Variants in TMED3 observed in about 807,000 individuals in gnomAD.
TMED3 encodes transmembrane emp24 domain-containing protein 3.
TMED3 carries 9 observed loss-of-function variants against 15.0 expected under a neutral mutation model. The observed-to-expected ratio is 0.60, with a 90% CI of 0.36 to 1.04. The LOEUF (loss-of-function observed/expected upper bound fraction) is 1.04, where lower values mean the gene tolerates loss of function less well. TMED3 is among the 50% of genes least tolerant of loss of function. TMED3 has a pLI of 0.01. For missense variants in TMED3, 267 were observed against 278.9 expected, an observed-to-expected ratio of 0.96 and a Z score of 0.30; for synonymous variants, 117 against 121.4, an observed-to-expected ratio of 0.96 and a Z score of 0.24.
rs1487201580 is a variant in TMED3 at position 79,311,123 on chromosome 15, C to T, written c.-127C>T. 45 of 1,087,494 alleles carry T rather than the reference C, an allele frequency of 4.1e-5. No homozygotes were observed. Among genetic ancestry groups the T allele is most frequent in the Non-Finnish European group, 5.6e-5 (45 of 801,822 alleles). 67.4% of individuals were successfully genotyped at this position (1,087,494 alleles called of 1,614,324 possible). On this transcript the variant is annotated 5_prime_UTR_variant, in exon 1 of 3. Coordinates refer to ENST00000299705, the MANE Select transcript of TMED3 (RefSeq NM_007364.4). ...ACTGAGCCGCCGGCCCTCCCGGAAG[C>T]GCAGAGCTCCGCTGGTGCCACGTCT...
chr15:79,342,971 T>C (rs2058856780), intron 2 of TMED3, among the ~76,000 whole-genome samples: 1 of 152,112 alleles, frequency 6.6e-6, no homozygotes, highest in South Asian at 2.1e-4. Flanking sequence ...TAGGTATTAC[T>C]GAGATTGGGT....
intron 2 of TMED3, among the ~76,000 whole-genome samples, chr15:79,368,198 T>C (rs1429265182): frequency 6.6e-6 from 1 of 152,238 alleles, no homozygotes; most frequent in Non-Finnish European, 1.5e-5. Flanking sequence ...CCTTATTTCT[T>C]TCTGAGGGCC....
intron 2 of TMED3, among the ~76,000 whole-genome samples, chr15:79,353,989 C>T (rs2058908599): frequency 6.6e-6 from 1 of 152,132 alleles, no homozygotes; most frequent in African/African-American, 2.4e-5. Flanking sequence ...ATCACAAAGT[C>T]AGGACTGAAA....
chr15:79,396,939 A>G (rs1893770146), intron 2 of TMED3, among the ~76,000 whole-genome samples: 1 of 152,240 alleles, frequency 6.6e-6, no homozygotes, highest in Non-Finnish European at 1.5e-5. Context: ...CTTTCTATGC[A>G]GCCACTAGAA....
chr15:79,391,632 T>A (rs956509736), intron 2 of TMED3, among the ~76,000 whole-genome samples: 3 of 152,214 alleles, frequency 2.0e-5, no homozygotes, highest in African/African-American at 7.2e-5. Flanking sequence ...TTTGTTGACT[T>A]TCTGTCTCGA....
chr15:79,395,278 C>T (rs748957058), intron 2 of TMED3, among the ~76,000 whole-genome samples: 4 of 152,206 alleles, frequency 2.6e-5, no homozygotes, highest in Non-Finnish European at 5.9e-5. Context: ...CTCCTGGATT[C>T]AAGCAATTCT....
intron 2 of TMED3, among the ~76,000 whole-genome samples, chr15:79,385,050 C>T (rs956348982): frequency 2.0e-5 from 3 of 152,178 alleles, no homozygotes; most frequent in Non-Finnish European, 4.4e-5. Flanking sequence ...GGTGATGGCC[C>T]ACCTGGGAGT....
chr15:79,374,173 T>C (rs1294972676), intron 2 of TMED3, among the ~76,000 whole-genome samples: 1 of 152,166 alleles, frequency 6.6e-6, no homozygotes, highest in Non-Finnish European at 1.5e-5. Context: ...ATAAATATAT[T>C]TTAGGGTAAA....
downstream of TMED3, among the ~76,000 whole-genome samples, chr15:79,327,039 A>G (rs761795893): frequency 7.2e-5 from 11 of 152,238 alleles, no homozygotes; most frequent in Non-Finnish European, 1.3e-4. Flanking sequence ...TTGTTTAGCA[A>G]CCAGCTCTTG....
intron 2 of TMED3, among the ~76,000 whole-genome samples, chr15:79,337,016 C>A (rs1288290818): frequency 3.3e-5 from 5 of 152,220 alleles, no homozygotes; most frequent in Non-Finnish European, 7.3e-5. Flanking sequence ...GGCCTCACTA[C>A]TACCAAGCCT....
At chr15:79,344,437 C>T (rs1450258938) in intron 2 of TMED3, among the ~76,000 whole-genome samples, 2 of 152,174 alleles carry the variant, frequency 1.3e-5, no homozygotes, top group African/African-American at 2.4e-5. Flanking sequence ...CATTCCATGT[C>T]TCTCTCCAGG....
rs150132710 is a variant in TMED3 at position 79,321,645 on chromosome 15, G to A, written c.418-333G>A. On this transcript the variant is annotated intron_variant, in intron 2 of 2. Coordinates refer to ENST00000299705, the MANE Select transcript of TMED3 (RefSeq NM_007364.4). ...TCATCTGTGTGTGGGATAAGCCCTC[G>A]TTAACAGTGAGGGTAATGATCCGTG... 1.1e-4 allele frequency among the ~76,000 whole-genome samples: 17 copies of A among 152,258 alleles called. No individual in the cohort carries two copies. In the East Asian group the frequency reaches 2.9e-3, roughly 26 times the overall value.
chr15:79,342,243 G>A (rs1006193211), intron 2 of TMED3, among the ~76,000 whole-genome samples: 7 of 151,732 alleles, frequency 4.6e-5, no homozygotes, highest in Non-Finnish European at 5.9e-5. Context: ...GAAAATGTTG[G>A]ATCACAAAGC....
chr15:79,404,954 A>G (rs1893883849), intron 2 of TMED3, among the ~76,000 whole-genome samples: 1 of 152,204 alleles, frequency 6.6e-6, no homozygotes, highest in African/African-American at 2.4e-5. Context: ...ATTCTGCCAT[A>G]GGCCACGGGT....
intron 2 of TMED3, among the ~76,000 whole-genome samples, chr15:79,342,358 A>G (rs2058854701): frequency 6.6e-6 from 1 of 152,164 alleles, no homozygotes; most frequent in Non-Finnish European, 1.5e-5. Context: ...TGGCAAAGAT[A>G]TACTATGTGA....
Position 79,377,270 on chromosome 15 carries a change from A to ATG in TMED3, c.418-34103_418-34102dup, listed in dbSNP as rs56891639. Among the ~76,000 whole-genome samples, 156 of 145,578 alleles carry ATG rather than the reference A, an allele frequency of 1.1e-3. 1 individual carries two copies. Among genetic ancestry groups the ATG allele is most frequent in the South Asian group, 5.9e-3 (26 of 4,440 alleles). ...CAAACCCTAAGTGGAGAGTGTGTGC[A>ATG]TGTGTGTGTGTGTGTGTGTGTGTGT... On this transcript the variant is annotated intron_variant, in intron 2 of 2. Transcript: ENST00000424155.
chr15:79,355,367 A>G (rs1995713), intron 2 of TMED3, among the ~76,000 whole-genome samples: 69,112 of 151,946 alleles, frequency 0.45, 15,970 homozygotes, highest in African/African-American at 0.53. Context: ...GTCATTTGCA[A>G]CAGTGGATCC....
rs184728182 is a variant in TMED3 at position 79,320,113 on chromosome 15, C to T, written c.418-1865C>T. Among the ~76,000 whole-genome samples, 208 of 152,272 alleles carry T rather than the reference C, an allele frequency of 1.4e-3. 1 individual carries two copies. Among genetic ancestry groups the T allele is most frequent in the African/African-American group, 4.7e-3 (195 of 41,548 alleles). Reference sequence around the variant, plus strand: ...AGCGGGTGTTTTTCCTTGACACTGACGCTACCGCTAGACCACAGTCCACTT... The same window carrying T: ...AGCGGGTGTTTTTCCTTGACACTGATGCTACCGCTAGACCACAGTCCACTT... On this transcript the variant is annotated intron_variant, in intron 2 of 2. Coordinates refer to ENST00000299705, the MANE Select transcript of TMED3 (RefSeq NM_007364.4).
At chr15:79,355,961 C>T (rs980839969) in intron 2 of TMED3, among the ~76,000 whole-genome samples, 2 of 152,130 alleles carry the variant, frequency 1.3e-5, no homozygotes, top group Non-Finnish European at 2.9e-5. Flanking sequence ...TGTTTCAGCC[C>T]AAGTAAACAT....
Sources: gnomAD v4.1 joint callset for allele counts (sites outside exome capture counted in the v4.1 genomes callset) on GRCh38, gnomAD v4.1.1 for gene constraint, MANE v1.5 for transcripts, NCBI Gene and HGNC (gene_info 2026-07-23, HGNC 2026-07-21) for gene names.